Variants in CACNA1I observed in about 807,000 individuals in gnomAD.
CACNA1I encodes the protein voltage-dependent T-type calcium channel subunit alpha-1I.
In CACNA1I, 74 loss-of-function variants were observed where a neutral mutation model predicts 201.6. The observed-to-expected ratio is 0.37, with a 90% confidence interval of 0.30 to 0.45. The LOEUF is 0.45. Among genes scored for constraint, CACNA1I ranks in the 20% least tolerant of loss-of-function variants. The pLI, the probability that CACNA1I is intolerant of heterozygous loss-of-function variation, is 1.00. For missense variants in CACNA1I, 2,346 were observed against 3,138.1 expected, an observed-to-expected ratio of 0.75 and a Z score of 6.03; for synonymous variants, 1,431 against 1,345.2, an observed-to-expected ratio of 1.06 and a Z score of -1.40.
At chr22:39,622,215 G>T (rs961583885) in intron 4 of CACNA1I, among the ~76,000 whole-genome samples, 3 of 152,166 alleles carry the variant, frequency 2.0e-5, no homozygotes, top group African/African-American at 7.2e-5. Flanking sequence ...AATGGACACA[G>T]CAGGTGTACT....
In CACNA1I at chr22:39,665,487, C is replaced by T; in HGVS notation, c.3852-11C>T. 1 of 1,613,412 alleles carries T rather than the reference C, an allele frequency of 6.2e-7. No homozygotes were observed. The highest frequency in any genetic ancestry group is 8.5e-7 in the Non-Finnish European group (1 of 1,179,694). On this transcript the variant is annotated splice_polypyrimidine_tract_variant and intron_variant, in intron 21 of 36. Coordinates refer to ENST00000402142, the MANE Select transcript of CACNA1I (RefSeq NM_021096.4). The surrounding 1 kb of genome is among the most constrained non-coding windows in gnomAD (Gnocchi z 5.5). The stretch of plus-strand genomic sequence containing the variant: ...AGGGATTATGTGTGCCTGGCCTCTC[C>T]CTGCCGTCAGTGTCATCAGCCGGGC...
rs536437130 is a variant in CACNA1I, at chr22:39,602,696, C to T, written c.482+2043C>T. 5.9e-5 allele frequency among the ~76,000 whole-genome samples: 9 copies of T among 152,260 alleles called. No individual in the cohort carries two copies. In the South Asian group the frequency reaches 1.5e-3, roughly 25 times the overall value. On this transcript the variant is annotated intron_variant, in intron 3 of 36. Coordinates refer to ENST00000402142, the MANE Select transcript of CACNA1I (RefSeq NM_021096.4). ...CACTGCACACATCCTGCCATTCAAA[C>T]CTACACTATAGTATTGCAGGTGAGT...
Position 39,666,739 on chromosome 22 carries a change from G to C in CACNA1I, c.4104+733G>C, listed in dbSNP as rs1935210095. Among the ~76,000 whole-genome samples the C allele has an allele frequency of 6.6e-6, 1 of 152,218 alleles. No homozygotes were observed. The highest frequency in any genetic ancestry group is 6.5e-5 in the Admixed American group (1 of 15,290). On this transcript the variant is annotated intron_variant, in intron 23 of 36. Transcript: ENST00000402142. The surrounding 1 kb of genome is among the most constrained non-coding windows in gnomAD (Gnocchi z 4.1). Reference sequence around the variant, plus strand: ...AGGCCCTCGTCCCCCACTGGCTGATGGGCAGCCTCCAGCTAGATCCCACTG... The same window carrying C: ...AGGCCCTCGTCCCCCACTGGCTGATCGGCAGCCTCCAGCTAGATCCCACTG...
intron 3 of CACNA1I, among the ~76,000 whole-genome samples, chr22:39,615,147 A>G (rs573103455): frequency 6.6e-6 from 1 of 152,230 alleles, no homozygotes; most frequent in East Asian, 1.9e-4. Context: ...ACTGGGGTGG[A>G]AAGAGGAGAA....
At chr22:39,645,975 G>T (rs1028970974) in intron 7 of CACNA1I, among the ~76,000 whole-genome samples, 2 of 152,196 alleles carry the variant, frequency 1.3e-5, no homozygotes, top group Non-Finnish European at 2.9e-5. Context: ...GCAGGGCTGG[G>T]CAAGGACTCA....
intron 3 of CACNA1I, among the ~76,000 whole-genome samples, chr22:39,612,821 T>C (rs713860): frequency 0.92 from 139,828 of 152,256 alleles, 64,398 homozygotes; most frequent in Middle Eastern, 0.96. Context: ...AAATCCTCTC[T>C]ATTATTTCCT....
At chr22:39,650,379 C>T (rs1934612263) in intron 10 of CACNA1I, among the ~76,000 whole-genome samples, 1 of 152,084 alleles carries the variant, frequency 6.6e-6, no homozygotes, top group African/African-American at 2.4e-5. Flanking sequence ...AGTGCAGTGG[C>T]ACGATCAAGC....
At chr22:39,620,724 T>G (rs956292340) in intron 4 of CACNA1I, among the ~76,000 whole-genome samples, 7 of 147,936 alleles carry the variant, frequency 4.7e-5, no homozygotes, top group Non-Finnish European at 7.5e-5. Flanking sequence ...GCCTTCCTGG[T>G]TTTTTTTTGT....
chr22:39,665,351 T>C lies in CACNA1I; in HGVS notation c.3852-147T>C, dbSNP rs1368773575. The C allele has an allele frequency of 3.3e-6, 3 of 912,062 alleles. No individual in the cohort carries two copies. The highest frequency in any genetic ancestry group is 4.8e-6 in the Non-Finnish European group (3 of 618,588). 56.5% of individuals were successfully genotyped at this position (912,062 alleles called of 1,614,324 possible). ...CCACTTTCTCTGCATTCCTGGAGAC[T>C]GTCCTCATGCCCCAGGGTGTTCAGC... On this transcript the variant is annotated intron_variant, in intron 21 of 36. Coordinates refer to ENST00000402142, the MANE Select transcript of CACNA1I (RefSeq NM_021096.4). The surrounding 1 kb of genome is among the most constrained non-coding windows in gnomAD (Gnocchi z 5.5).
intron 3 of CACNA1I, among the ~76,000 whole-genome samples, chr22:39,602,954 C>T (rs1454644671): frequency 6.6e-6 from 1 of 152,010 alleles, no homozygotes; most frequent in African/African-American, 2.4e-5. Flanking sequence ...GAGTTTGAGA[C>T]CAGCCTGGGC....
At chr22:39,619,156 C>G (rs1933651781) in intron 3 of CACNA1I, among the ~76,000 whole-genome samples, 154 bp from the exon 4 acceptor site, 1 of 152,172 alleles carries the variant, frequency 6.6e-6, no homozygotes, top group Admixed American at 6.5e-5. Flanking sequence ...AACCCCAGGC[C>G]ACATGTTGGC....
chr22:39,604,889 G>A (rs540050763), intron 3 of CACNA1I, among the ~76,000 whole-genome samples: 1 of 152,104 alleles, frequency 6.6e-6, no homozygotes, highest in South Asian at 2.1e-4. Context: ...CTTTTTTGCT[G>A]GAGTCATGAG....
intron 3 of CACNA1I, among the ~76,000 whole-genome samples, chr22:39,610,769 C>T (rs1745339748): frequency 6.6e-6 from 1 of 152,122 alleles, no homozygotes; most frequent in African/African-American, 2.4e-5. Flanking sequence ...TGCTGACTTC[C>T]CTCCCTGGAG....
At position 39,689,454 on chromosome 22, in the gene CACNA1I, T is replaced by C. The variant is rs1408977977; in HGVS notation, c.*3049T>C. 2 of 152,740 alleles carry C rather than the reference T, an allele frequency of 1.3e-5. No individual in the cohort carries two copies. Among genetic ancestry groups the C allele is most frequent in the Admixed American group, 1.3e-4 (2 of 15,292 alleles). 9.5% of individuals were successfully genotyped at this position (152,740 alleles called of 1,614,324 possible). A position where few individuals can be genotyped will look rare whatever the true frequency, so the allele number is the denominator to read the frequency against. On this transcript the variant is annotated 3_prime_UTR_variant, in exon 37 of 37. Coordinates refer to ENST00000402142, the MANE Select transcript of CACNA1I (RefSeq NM_021096.4). Reference sequence around the variant, plus strand: ...CTCTTTAGCCCAGATACACATACTCTTTTTTGTCTTTGTGCAATAATCAGT... The same window carrying C: ...CTCTTTAGCCCAGATACACATACTCCTTTTTGTCTTTGTGCAATAATCAGT...
intron 15 of CACNA1I, among the ~76,000 whole-genome samples, chr22:39,660,819 C>T (rs1934983888): frequency 6.6e-6 from 1 of 152,130 alleles, no homozygotes; most frequent in African/African-American, 2.4e-5. Context: ...GGCGGACAGT[C>T]CCTGCCTTGT....
In CACNA1I at chr22:39,670,027, C is replaced by T. The variant is rs1474318784; in HGVS notation, c.4195-11C>T. On this transcript the variant is annotated splice_polypyrimidine_tract_variant and intron_variant, in intron 24 of 36. Coordinates refer to ENST00000402142, the MANE Select transcript of CACNA1I (RefSeq NM_021096.4). ...AATCAGCCTCCTCAGCCCTTTCTGA[C>T]TCCCCTGCAGCCTGTGACCAACCAC... 2 of 1,612,082 alleles carry T rather than the reference C, an allele frequency of 1.2e-6. No individual in the cohort carries two copies. Among genetic ancestry groups the T allele is most frequent in the Non-Finnish European group, 1.7e-6 (2 of 1,179,836 alleles).
In CACNA1I at chr22:39,678,120, C is replaced by G; in HGVS notation, c.5055+12C>G. The G allele has an allele frequency of 6.2e-7, 1 of 1,608,798 alleles. No homozygotes were observed. Among genetic ancestry groups the G allele is most frequent in the Non-Finnish European group, 8.5e-7 (1 of 1,177,148 alleles). Reference sequence around the variant, plus strand: ...ACGGGATCATGAAGGTACTCCTGGGCGGGCTGGGGTGGAGAAATCAGCCAG... The same window carrying G: ...ACGGGATCATGAAGGTACTCCTGGGGGGGCTGGGGTGGAGAAATCAGCCAG... On this transcript the variant is annotated intron_variant, in intron 31 of 36. Coordinates refer to ENST00000402142, the MANE Select transcript of CACNA1I (RefSeq NM_021096.4).
At chr22:39,575,400 G>A (rs1052249092) in intron 1 of CACNA1I, among the ~76,000 whole-genome samples, 1 of 152,178 alleles carries the variant, frequency 6.6e-6, no homozygotes, top group Non-Finnish European at 1.5e-5. Flanking sequence ...TTTGGGAACT[G>A]GAAAAGCCAC....
At position 39,659,963 on chromosome 22, in the gene CACNA1I, C is replaced by T. The variant is rs1404683338; in HGVS notation, c.2604+111C>T. The T allele has an allele frequency of 8.1e-6, 10 of 1,233,510 alleles. No individual in the cohort carries two copies. Among genetic ancestry groups the T allele is most frequent in the Non-Finnish European group, 1.2e-5 (10 of 861,108 alleles). The allele number at this position is 1,233,510 out of a possible 1,614,324, so 76.4% of individuals were successfully genotyped here. A position where few individuals can be genotyped will look rare whatever the true frequency, so the allele number is the denominator to read the frequency against. ...TGCAATTCAAACTTCTAGCAGGCAA[C>T]CTATCCCTAAAGGAGGGGGTTGCTG... On this transcript the variant is annotated intron_variant, in intron 14 of 36. Transcript: ENST00000402142. The surrounding 1 kb of genome is among the most constrained non-coding windows in gnomAD (Gnocchi z 4.3).
Sources: allele counts gnomAD v4.1 joint callset (sites outside exome capture counted in the v4.1 genomes callset), GRCh38; gene constraint gnomAD v4.1.1; non-coding constraint Gnocchi (gnomAD v3.1); transcripts MANE v1.5; gene names NCBI Gene and HGNC (gene_info 2026-07-23, HGNC 2026-07-21).